The following AUH variants were observed in gnomAD, a reference collection of about 807,000 sequenced individuals.
The protein encoded by AUH is methylglutaconyl-CoA hydratase, mitochondrial.
A neutral mutation model predicts 42.3 loss-of-function variants in AUH; 29 were observed. The ratio of observed to expected loss-of-function variants is 0.69; its 90% CI spans 0.51 to 0.93. The LOEUF is 0.93. Ranked by LOEUF, AUH falls within the 40% of genes least tolerant of loss-of-function variation. AUH has a pLI of 0.00. For missense variants in AUH, 452 were observed against 438.1 expected (o/e 1.03, Z -0.28); for synonymous variants, 174 against 166.4 (o/e 1.05, Z -0.35).
At chr9:91,217,181 G>GAACTTTAAAAAA (rs1826868462) in intron 8 of AUH, 96 bp downstream of exon 8, 1 of 1,301,192 alleles carries the variant, frequency 7.7e-7, no homozygotes, top group Admixed American at 1.9e-5. Context: ...CCATATTTTA[G>GAACTTTAAAAAA]AACTTTAAAA....
In AUH at chr9:91,265,839, C is replaced by T. The variant is rs140926234; in HGVS notation, c.655+30182G>A. Among the ~76,000 whole-genome samples, 5 of 152,268 alleles carry T rather than the reference C, an allele frequency of 3.3e-5. No individual in the cohort carries two copies. In the East Asian group the frequency reaches 7.7e-4, roughly 24 times the overall value. On this transcript the variant is annotated intron_variant, in intron 6 of 9. Coordinates refer to ENST00000375731, the MANE Select transcript of AUH (RefSeq NM_001698.3). ...ACATTTAGGCTAGGGCTTTTCAACCCGTCTCATCTGTAAAATCAATCCCCT... is the reference window on the plus strand; with the variant it reads ...ACATTTAGGCTAGGGCTTTTCAACCTGTCTCATCTGTAAAATCAATCCCCT...
intron 6 of AUH, among the ~76,000 whole-genome samples, chr9:91,237,286 G>C (rs148806650): frequency 2.0e-5 from 3 of 152,148 alleles, no homozygotes; most frequent in Admixed American, 6.5e-5. Context: ...CTGGTGATGC[G>C]GTAAAGCTGT....
chr9:91,296,018 T>A lies in AUH; in HGVS notation c.655+3A>T. On this transcript the variant is annotated splice_donor_region_variant and intron_variant, in intron 6 of 9. Transcript: ENST00000375731. Reference sequence around the variant, plus strand: ...TTGAGGAATGGGCGTGAACTACTCATACCTCCACCAGGAATAATCGCCAAT... The same window carrying A: ...TTGAGGAATGGGCGTGAACTACTCAAACCTCCACCAGGAATAATCGCCAAT... The A allele has an allele frequency of 1.2e-6, 2 of 1,614,022 alleles. No individual in the cohort carries two copies. The highest frequency in any genetic ancestry group is 1.7e-6 in the Non-Finnish European group (2 of 1,179,968).
intron 4 of AUH, among the ~76,000 whole-genome samples, chr9:91,314,793 T>C (rs1829018108): frequency 6.6e-6 from 1 of 152,224 alleles, no homozygotes; most frequent in Admixed American, 6.5e-5. Flanking sequence ...ACCAACAGCC[T>C]GAATGCTGCC....
At chr9:91,339,530 T>C (rs1452624055) in intron 3 of AUH, among the ~76,000 whole-genome samples, 1 of 152,224 alleles carries the variant, frequency 6.6e-6, no homozygotes, top group Admixed American at 6.5e-5. Context: ...TATAAACTCA[T>C]GGTTTTCAAC....
At chr9:91,272,180 T>C (rs931287375) in intron 6 of AUH, among the ~76,000 whole-genome samples, 5 of 152,212 alleles carry the variant, frequency 3.3e-5, no homozygotes, top group Non-Finnish European at 7.4e-5. Flanking sequence ...GACATTAGGA[T>C]AACGAACATA....
intron 1 of AUH, among the ~76,000 whole-genome samples, chr9:91,357,229 C>A (rs1194023983): frequency 1.3e-5 from 2 of 152,202 alleles, no homozygotes; most frequent in African/African-American, 4.8e-5. Flanking sequence ...GGCACTGCTC[C>A]AGGTGCTTTA....
Position 91,294,670 on chromosome 9 carries a change from T to A in AUH, c.655+1351A>T, listed in dbSNP as rs781325870. 1.7e-4 allele frequency: 78 copies of A among 455,534 alleles called. 1 individual carries two copies. The highest frequency in any genetic ancestry group is 2.9e-4 in the Non-Finnish European group (66 of 226,690). 28.2% of individuals were successfully genotyped at this position (455,534 alleles called of 1,614,324 possible). A position where few individuals can be genotyped will look rare whatever the true frequency, so the allele number is the denominator to read the frequency against. Reference sequence around the variant, plus strand: ...TCTGGAAAGGATCTGCCATTCTAGATCCCTTTAAGAACATTCATGATTCAT... The same window carrying A: ...TCTGGAAAGGATCTGCCATTCTAGAACCCTTTAAGAACATTCATGATTCAT... On this transcript the variant is annotated intron_variant, in intron 6 of 9. Transcript: ENST00000375731.
chr9:91,217,796 CAACT>C (rs779436030), intron 7 of AUH, among the ~76,000 whole-genome samples: 32 of 152,288 alleles, frequency 2.1e-4, no homozygotes, highest in Admixed American at 7.2e-4. Context: ...TTCGCCTTGA[CAACT>C]AACAGCAATG....
At chr9:91,249,366 G>A (rs897433974) in intron 6 of AUH, among the ~76,000 whole-genome samples, 1 of 150,716 alleles carries the variant, frequency 6.6e-6, no homozygotes, top group Non-Finnish European at 1.5e-5. Flanking sequence ...TCTGTAAGAG[G>A]GGGTTTGGGG....
At chr9:91,264,050 A>G (rs1004001434) in intron 6 of AUH, among the ~76,000 whole-genome samples, 2 of 152,138 alleles carry the variant, frequency 1.3e-5, no homozygotes, top group African/African-American at 4.8e-5. Context: ...GATTATAACC[A>G]CTATCAAGAC....
chr9:91,255,229 G>C (rs1390584498), intron 6 of AUH, among the ~76,000 whole-genome samples: 1 of 152,138 alleles, frequency 6.6e-6, no homozygotes, highest in East Asian at 1.9e-4. Context: ...AGTAAATATA[G>C]TCACAGTTAA....
intron 5 of AUH, among the ~76,000 whole-genome samples, chr9:91,296,283 C>A (rs550822386): frequency 2.6e-5 from 4 of 151,618 alleles, no homozygotes; most frequent in Non-Finnish European, 4.4e-5. Context: ...ACAACATTTT[C>A]TGTTAAAAAC....
chr9:91,340,009 A>T (rs940903109), intron 3 of AUH, among the ~76,000 whole-genome samples: 1 of 152,226 alleles, frequency 6.6e-6, no homozygotes, highest in Non-Finnish European at 1.5e-5. Context: ...AGTAAAATGC[A>T]CTAGGGTTCC....
chr9:91,291,143 TCTTCGCATCAC>T, intron 6 of AUH, among the ~76,000 whole-genome samples: 1 of 152,218 alleles, frequency 6.6e-6, no homozygotes, highest in East Asian at 1.9e-4. Context: ...TCTGTTTCTG[TCTTCGCATCAC>T]CTTCTCTTCT....
intron 9 of AUH, among the ~76,000 whole-genome samples, chr9:91,215,591 G>C (rs932923489): frequency 6.6e-6 from 1 of 152,022 alleles, no homozygotes; most frequent in African/African-American, 2.4e-5. Context: ...ACTTACAGAT[G>C]AAAAGGGCCG....
intron 6 of AUH, among the ~76,000 whole-genome samples, chr9:91,232,613 G>T (rs556070860): frequency 6.6e-6 from 1 of 152,206 alleles, no homozygotes; most frequent in Non-Finnish European, 1.5e-5. Flanking sequence ...AGATCAGCAA[G>T]CAGAAACTGA....
At chr9:91,231,251 G>A (rs974808092) in intron 6 of AUH, among the ~76,000 whole-genome samples, 1 of 152,214 alleles carries the variant, frequency 6.6e-6, no homozygotes. Context: ...TAATCTCGTG[G>A]TGCGCCGTTT....
rs1246188843 is a variant in AUH, at chr9:91,283,063, A to C, written c.655+12958T>G. Among the ~76,000 whole-genome samples the C allele has an allele frequency of 3.3e-5, 5 of 152,360 alleles. No homozygotes were observed. The South Asian group carries it at 1.0e-3, about 32-fold the overall frequency. On this transcript the variant is annotated intron_variant, in intron 6 of 9. Transcript: ENST00000375731. ...ATGAACATCGGTGCAAAAATCCTCA[A>C]TAAAATACTGGCAAAACGAATCCAG...
Sources: gnomAD v4.1 joint callset for allele counts (sites outside exome capture counted in the v4.1 genomes callset) on GRCh38, gnomAD v4.1.1 for gene constraint, MANE v1.5 for transcripts, NCBI Gene and HGNC (gene_info 2026-07-23, HGNC 2026-07-21) for gene names.